Variants in OPCML observed in about 807,000 individuals in gnomAD.
OPCML encodes the protein opioid binding protein/cell adhesion molecule like.
Under a neutral mutation model 37.8 loss-of-function variants are expected in OPCML, and 13 were observed. The ratio of observed to expected loss-of-function variants is 0.34; its 90% CI spans 0.22 to 0.55. The LOEUF is 0.55. Among genes scored for constraint, OPCML ranks in the 20% least tolerant of loss-of-function variants. The pLI is 0.91. For synonymous variants in OPCML, 176 were observed against 168.8 expected (o/e 1.04, Z -0.33); for missense variants, 341 against 435.6 (o/e 0.78, Z 1.93).
intron 3 of OPCML, among the ~76,000 whole-genome samples, chr11:132,566,620 G>A (rs1331978154): frequency 6.6e-6 from 1 of 152,164 alleles, no homozygotes; most frequent in African/African-American, 2.4e-5. Context: ...TTTGTTCCAG[G>A]TATTGTGATA....
chr11:132,669,401 C>T (rs1254290124), intron 2 of OPCML, among the ~76,000 whole-genome samples: 5 of 108,782 alleles, frequency 4.6e-5, no homozygotes, highest in Admixed American at 9.8e-5. Context: ...TGCTGGGCAC[C>T]ATGGAAAAGG....
At chr11:132,770,715 C>T (rs181230973) in intron 2 of OPCML, among the ~76,000 whole-genome samples, 183 of 152,206 alleles carry the variant, frequency 1.2e-3, no homozygotes, top group African/African-American at 3.9e-3. Flanking sequence ...ATTAGAAACA[C>T]GTTTCTGAGG....
chr11:132,504,427 T>C (rs2096252020), intron 4 of OPCML, among the ~76,000 whole-genome samples: 1 of 152,230 alleles, frequency 6.6e-6, no homozygotes, highest in Non-Finnish European at 1.5e-5. Context: ...ATATTTATTA[T>C]CTCACACTAT....
chr11:132,536,967 T>G (rs1005856664), intron 3 of OPCML, among the ~76,000 whole-genome samples: 1 of 152,210 alleles, frequency 6.6e-6, no homozygotes, highest in Non-Finnish European at 1.5e-5. Flanking sequence ...TAATTTGTTT[T>G]GGTTAATTTT....
chr11:133,488,988 C>T (rs1947593939), intron 1 of OPCML, among the ~76,000 whole-genome samples: 1 of 142,964 alleles, frequency 7.0e-6, no homozygotes, highest in South Asian at 2.2e-4. Context: ...GGAAAGGACA[C>T]CCTCTTCACT....
chr11:132,638,163 C>CTATATATAAATATATATATATATA, intron 3 of OPCML, among the ~76,000 whole-genome samples: 1 of 128,192 alleles, frequency 7.8e-6, no homozygotes, highest in Non-Finnish European at 1.7e-5. Context: ...TATATACAGA[C>CTATATATAAATATATATATATATA]TATATATATA....
At chr11:132,951,328 C>T (rs929286902) in intron 1 of OPCML, among the ~76,000 whole-genome samples, 1 of 152,188 alleles carries the variant, frequency 6.6e-6, no homozygotes, top group Non-Finnish European at 1.5e-5. Context: ...CCAGCGTGAA[C>T]ATGCTCCGAC....
At chr11:132,440,964 T>A (rs1665793454) in intron 4 of OPCML, among the ~76,000 whole-genome samples, 1 of 151,966 alleles carries the variant, frequency 6.6e-6, no homozygotes. Context: ...GTTTTAATCC[T>A]CTTTACTAGC....
At chr11:133,244,917 A>AG (rs907823746) in intron 1 of OPCML, among the ~76,000 whole-genome samples, 1 of 152,190 alleles carries the variant, frequency 6.6e-6, no homozygotes, top group Non-Finnish European at 1.5e-5. Flanking sequence ...AGAAGGTCTG[A>AG]GGGGGGAGAC....
intron 1 of OPCML, among the ~76,000 whole-genome samples, chr11:133,187,612 A>G (rs1318243104): frequency 6.6e-6 from 1 of 152,140 alleles, no homozygotes; most frequent in Non-Finnish European, 1.5e-5. Context: ...TGCCAAAAGC[A>G]CTAAACAGTT....
chr11:132,979,528 T>C (rs1443795952), intron 1 of OPCML, among the ~76,000 whole-genome samples: 2 of 152,244 alleles, frequency 1.3e-5, no homozygotes, highest in Admixed American at 1.3e-4. Flanking sequence ...TCCAGTGTTC[T>C]CTCAGTGAGA....
At chr11:132,790,536 C>A (rs1454265264) in intron 2 of OPCML, among the ~76,000 whole-genome samples, 3 of 152,210 alleles carry the variant, frequency 2.0e-5, no homozygotes, top group Admixed American at 1.3e-4. Context: ...GAATGATAGG[C>A]TGGTTCTCTT....
At chr11:132,865,000 G>A (rs1013925301) in intron 2 of OPCML, among the ~76,000 whole-genome samples, 1 of 152,254 alleles carries the variant, frequency 6.6e-6, no homozygotes, top group African/African-American at 2.4e-5. Flanking sequence ...GAGGGCGATA[G>A]AGCCGGCACT....
At chr11:132,517,919 G>T (rs1381321448) in intron 4 of OPCML, among the ~76,000 whole-genome samples, 1 of 152,052 alleles carries the variant, frequency 6.6e-6, no homozygotes, top group Non-Finnish European at 1.5e-5. Context: ...TTAGTCAACT[G>T]CAGATTTACA....
chr11:132,829,828 G>A (rs1940582362), intron 2 of OPCML, among the ~76,000 whole-genome samples: 1 of 152,104 alleles, frequency 6.6e-6, no homozygotes, highest in South Asian at 2.1e-4. Flanking sequence ...TTTCTCATGT[G>A]TTTCTCATAA....
At chr11:133,228,377 A>C (rs1047941857) in intron 1 of OPCML, among the ~76,000 whole-genome samples, 33 of 152,356 alleles carry the variant, frequency 2.2e-4, no homozygotes, top group Admixed American at 1.9e-3. Context: ...GTCACACAGC[A>C]TACATAAACA....
chr11:133,056,744 G>A lies in OPCML; in HGVS notation c.62-113734C>T, dbSNP rs79917427. On this transcript the variant is annotated intron_variant, in intron 1 of 7. Coordinates refer to ENST00000524381, the MANE Select transcript of OPCML (RefSeq NM_001012393.5). ...CTATTAATTTTTAATCACTATGTAT[G>A]GTTCCGTAAGTGTAAAATCTCATTC... 6.0e-3 allele frequency among the ~76,000 whole-genome samples: 919 copies of A among 152,300 alleles called. 5 individuals are homozygous for A. Among genetic ancestry groups the A allele is most frequent in the Non-Finnish European group, 0.01 (714 of 68,028 alleles).
intron 3 of OPCML, among the ~76,000 whole-genome samples, chr11:132,602,611 C>T (rs1937999630): frequency 6.6e-6 from 1 of 152,122 alleles, no homozygotes; most frequent in African/African-American, 2.4e-5. Flanking sequence ...CGTGGGGTCC[C>T]CAATGTTGCA....
chr11:133,432,558 T>G (rs1219786499), intron 1 of OPCML, among the ~76,000 whole-genome samples: 1 of 152,180 alleles, frequency 6.6e-6, no homozygotes, highest in African/African-American at 2.4e-5. Flanking sequence ...TTTATTCTGC[T>G]TGTAATTTGT....
Sources: gnomAD v4.1 joint callset for allele counts (sites outside exome capture counted in the v4.1 genomes callset) on GRCh38, gnomAD v4.1.1 for gene constraint, MANE v1.5 for transcripts, NCBI Gene and HGNC (gene_info 2026-07-23, HGNC 2026-07-21) for gene names.